Variants in PPP3CA observed in about 807,000 individuals in gnomAD.
PPP3CA encodes the protein protein phosphatase 3 catalytic subunit alpha.
A neutral mutation model predicts 66.5 loss-of-function variants in PPP3CA; 14 were observed. The observed-to-expected ratio is 0.21, with a 90% CI of 0.14 to 0.33. PPP3CA has a LOEUF of 0.33. Ranked by LOEUF, PPP3CA falls within the 10% of genes least tolerant of loss-of-function variation. The pLI is 1.00. For synonymous variants in PPP3CA, 232 were observed against 226.2 expected, an observed-to-expected ratio of 1.03 and a Z score of -0.23; for missense variants, 317 against 639.5, an observed-to-expected ratio of 0.50 and a Z score of 5.44.
intron 1 of PPP3CA, among the ~76,000 whole-genome samples, chr4:101,199,252 G>C (rs960331232): frequency 2.6e-5 from 4 of 152,138 alleles, no homozygotes; most frequent in Non-Finnish European, 5.9e-5. Context: ...AATCCAATCA[G>C]CTTGGAAAAC....
chr4:101,101,958 T>G (rs1374838354), intron 3 of PPP3CA, among the ~76,000 whole-genome samples: 1 of 152,176 alleles, frequency 6.6e-6, no homozygotes, highest in East Asian at 1.9e-4. Context: ...CCACATTTTC[T>G]TTTTTTGCTA....
intron 2 of PPP3CA, among the ~76,000 whole-genome samples, chr4:101,193,282 G>A (rs1261972903): frequency 6.6e-6 from 1 of 152,160 alleles, no homozygotes; most frequent in Non-Finnish European, 1.5e-5. Context: ...TTGCCTCACT[G>A]ATTTGGGGCC....
At chr4:101,128,464 C>A (rs1225169714) in intron 2 of PPP3CA, among the ~76,000 whole-genome samples, 1 of 151,588 alleles carries the variant, frequency 6.6e-6, no homozygotes, top group African/African-American at 2.4e-5. Flanking sequence ...GCAAGATGGC[C>A]GAATAGGAAC....
chr4:101,143,761 C>T (rs1015565667), intron 2 of PPP3CA, among the ~76,000 whole-genome samples: 2 of 152,178 alleles, frequency 1.3e-5, no homozygotes, highest in African/African-American at 4.8e-5. Context: ...AATGATAGCT[C>T]CAGAGTGGTG....
chr4:101,312,638 C>A (rs1040025609), intron 1 of PPP3CA, among the ~76,000 whole-genome samples: 11 of 151,972 alleles, frequency 7.2e-5, no homozygotes, highest in African/African-American at 2.7e-4. Flanking sequence ...AAAAGTTCCT[C>A]CTTTAGTAAA....
intron 1 of PPP3CA, among the ~76,000 whole-genome samples, chr4:101,340,629 GTAAAA>G (rs1729784870): frequency 6.6e-6 from 1 of 152,104 alleles, no homozygotes; most frequent in Non-Finnish European, 1.5e-5. Flanking sequence ...TGGAATTATT[GTAAAA>G]TAAAATGATT....
At chr4:101,248,305 A>T (rs1383095044) in intron 1 of PPP3CA, among the ~76,000 whole-genome samples, 1 of 152,198 alleles carries the variant, frequency 6.6e-6, no homozygotes, top group African/African-American at 2.4e-5. Context: ...AAATTTCTAG[A>T]TTAGAATTCC....
intron 2 of PPP3CA, among the ~76,000 whole-genome samples, chr4:101,181,925 A>C (rs1316728570): frequency 6.6e-6 from 1 of 152,124 alleles, no homozygotes; most frequent in African/African-American, 2.4e-5. Context: ...TTTGATTGTA[A>C]AGTGATTTGT....
chr4:101,134,637 T>C (rs892590115), intron 2 of PPP3CA, among the ~76,000 whole-genome samples: 28 of 152,350 alleles, frequency 1.8e-4, no homozygotes, highest in African/African-American at 6.0e-4. Context: ...GGTGGGAATG[T>C]AAATTAGTTC....
At chr4:101,076,811 TAAC>T (rs765286024) in intron 8 of PPP3CA, among the ~76,000 whole-genome samples, 2 of 152,230 alleles carry the variant, frequency 1.3e-5, no homozygotes, top group Middle Eastern at 3.2e-3. Flanking sequence ...GACAAAATAA[TAAC>T]AACATAAAAT....
At chr4:101,204,646 A>AG (rs1274011797) in intron 1 of PPP3CA, among the ~76,000 whole-genome samples, 1 of 151,002 alleles carries the variant, frequency 6.6e-6, no homozygotes, top group African/African-American at 2.4e-5. Flanking sequence ...AAAAAAAAAA[A>AG]AAAAAAAAAA....
At chr4:101,129,606 G>A (rs538258398) in intron 2 of PPP3CA, among the ~76,000 whole-genome samples, 19 of 152,342 alleles carry the variant, frequency 1.2e-4, no homozygotes, top group African/African-American at 4.3e-4. Context: ...GGCAAACAGG[G>A]TCTGGAGTGG....
chr4:101,188,364 A>G (rs1724479964), intron 2 of PPP3CA, among the ~76,000 whole-genome samples: 2 of 152,078 alleles, frequency 1.3e-5, no homozygotes, highest in African/African-American at 4.8e-5. Flanking sequence ...ATTTCTATCT[A>G]AAATTTTTCT....
chr4:101,147,170 G>C (rs1277366308), intron 2 of PPP3CA, among the ~76,000 whole-genome samples: 3 of 152,174 alleles, frequency 2.0e-5, no homozygotes, highest in Non-Finnish European at 2.9e-5. Context: ...AGACTCTGTT[G>C]TTAAAGGCAA....
At chr4:101,205,470 T>A (rs545416495) in intron 1 of PPP3CA, among the ~76,000 whole-genome samples, 204 of 152,296 alleles carry the variant, frequency 1.3e-3, no homozygotes, top group Non-Finnish European at 2.4e-3. Context: ...ACAGAAGTTC[T>A]TTAATCACTA....
intron 6 of PPP3CA, among the ~76,000 whole-genome samples, chr4:101,091,283 T>G (rs61230063): frequency 0.026 from 3,975 of 152,228 alleles, 188 homozygotes; most frequent in African/African-American, 0.09. Flanking sequence ...TTGACGTACT[T>G]TAACAATGCC....
At chr4:101,186,701 C>T (rs759403081) in intron 2 of PPP3CA, among the ~76,000 whole-genome samples, 2 of 152,084 alleles carry the variant, frequency 1.3e-5, no homozygotes, top group East Asian at 1.9e-4. Context: ...TAGGGGACAG[C>T]TGTGGTTAGG....
At chr4:101,027,689 TTG>T (rs1305968087) in intron 13 of PPP3CA, among the ~76,000 whole-genome samples, 1 of 152,192 alleles carries the variant, frequency 6.6e-6, no homozygotes, top group African/African-American at 2.4e-5. Context: ...GTATAAAAGT[TTG>T]TCATCATTAT....
chr4:101,210,026 A>C (rs1424580450), intron 1 of PPP3CA, among the ~76,000 whole-genome samples: 1 of 152,174 alleles, frequency 6.6e-6, no homozygotes, highest in African/African-American at 2.4e-5. Context: ...TTTCATCGCA[A>C]TTTTATGTGT....
Sources: gnomAD v4.1 joint callset for allele counts (sites outside exome capture counted in the v4.1 genomes callset) on GRCh38, gnomAD v4.1.1 for gene constraint, MANE v1.5 for transcripts, NCBI Gene and HGNC (gene_info 2026-07-23, HGNC 2026-07-21) for gene names.